The following KATNBL1 variants were observed in gnomAD, a reference collection of about 807,000 sequenced individuals.
KATNBL1 encodes KATNB1-like protein 1.
KATNBL1 carries 28 observed loss-of-function variants against 44.7 expected under a neutral mutation model. The observed-to-expected ratio is 0.63, with a 90% CI of 0.46 to 0.86. The LOEUF is 0.86. Among genes scored for constraint, KATNBL1 ranks in the 40% least tolerant of loss-of-function variants. The pLI is 0.00. For missense variants in KATNBL1, 272 were observed against 350.7 expected (o/e 0.78, Z 1.79); for synonymous variants, 78 against 114.9 (o/e 0.68, Z 2.06).
At chr15:34,189,103 T>C (rs1424556607) in intron 1 of KATNBL1, among the ~76,000 whole-genome samples, 1 of 151,990 alleles carries the variant, frequency 6.6e-6, no homozygotes, top group African/African-American at 2.4e-5. Context: ...TGATCTCGGC[T>C]CACCACAACC....
At chr15:34,178,106 A>G (rs1889390752) in intron 1 of KATNBL1, 1 of 152,248 alleles carries the variant, frequency 6.6e-6, no homozygotes, top group Non-Finnish European at 1.5e-5. Flanking sequence ...AAGACAGTTA[A>G]TAGCAGATCA....
At chr15:34,202,212 G>C (rs1352191929) in intron 1 of KATNBL1, among the ~76,000 whole-genome samples, 1 of 152,158 alleles carries the variant, frequency 6.6e-6, no homozygotes, top group Non-Finnish European at 1.5e-5. Context: ...CTACATATGA[G>C]AGGATATACC....
At chr15:34,196,723 G>A (rs990519790) in intron 1 of KATNBL1, among the ~76,000 whole-genome samples, 4 of 152,216 alleles carry the variant, frequency 2.6e-5, no homozygotes, top group Admixed American at 2.6e-4. Context: ...ACCAGACTCC[G>A]TCTCAAAAAG....
rs567667142 is a variant in KATNBL1 at position 34,184,442 on chromosome 15, C to T, written c.-14-20752G>A. Among the ~76,000 whole-genome samples the T allele has an allele frequency of 2.7e-4, 41 of 149,628 alleles. No individual in the cohort carries two copies. The South Asian group carries it at 2.8e-3, about 10-fold the overall frequency. ...AGATCGCTACAGTGAACCGAGATTGCGCCACTGCACTTCAGCCTGGGCAAC... is the reference window on the plus strand; with the variant it reads ...AGATCGCTACAGTGAACCGAGATTGTGCCACTGCACTTCAGCCTGGGCAAC... On this transcript the variant is annotated intron_variant, in intron 1 of 9. Coordinates refer to ENST00000256544, the MANE Select transcript of KATNBL1 (RefSeq NM_024713.3).
intron 1 of KATNBL1, among the ~76,000 whole-genome samples, chr15:34,170,071 G>T (rs1889112715): frequency 6.6e-6 from 1 of 152,170 alleles, no homozygotes; most frequent in African/African-American, 2.4e-5. Context: ...TCAACACAGT[G>T]TTGGAAGTTC....
At chr15:34,168,128 A>G (rs1889041411) in intron 1 of KATNBL1, among the ~76,000 whole-genome samples, 2 of 152,244 alleles carry the variant, frequency 1.3e-5, no homozygotes, top group Non-Finnish European at 2.9e-5. Context: ...GCCCCAATTA[A>G]AAGATACAGA....
At chr15:34,162,567 A>G (rs538061550) in intron 2 of KATNBL1, among the ~76,000 whole-genome samples, 2 of 152,316 alleles carry the variant, frequency 1.3e-5, no homozygotes, top group South Asian at 4.1e-4. Context: ...ATTGTAACTT[A>G]CAGGATGCTT....
chr15:34,148,787 T>G (rs1888385355), intron 4 of KATNBL1, 37 bp from the exon 5 acceptor site: 1 of 1,139,910 alleles, frequency 8.8e-7, no homozygotes, highest in Non-Finnish European at 1.3e-6. Context: ...AAAAGCACAC[T>G]GAAACAGGGT....
At chr15:34,146,630 G>GT (rs1888318940) in intron 8 of KATNBL1, 131 bp downstream of exon 8, 1 of 619,928 alleles carries the variant, frequency 1.6e-6, no homozygotes, top group African/African-American at 1.9e-5. Flanking sequence ...TCTTAAGTTA[G>GT]TATCTCTCTG....
At chr15:34,145,653 T>TA in intron 8 of KATNBL1, 162 bp from the exon 9 acceptor site, 1 of 581,088 alleles carries the variant, frequency 1.7e-6, no homozygotes, top group African/African-American at 2.0e-5. Flanking sequence ...GGAGAGAAAT[T>TA]AAAAAAAAAT....
rs377491735 is a variant in KATNBL1, at chr15:34,171,257, A to C, written c.-14-7567T>G. On this transcript the variant is annotated intron_variant, in intron 1 of 9. Transcript: ENST00000256544. ...TTGTCAAGAAAAAAACAAACAACCC[A>C]ATCAAAACGTGGGCAAAGGATATGA... 9.2e-5 allele frequency among the ~76,000 whole-genome samples: 14 copies of C among 152,262 alleles called. No homozygotes were observed. The East Asian group carries it at 2.7e-3, about 29-fold the overall frequency.
At chr15:34,176,540 A>G (rs1381902605) in intron 1 of KATNBL1, among the ~76,000 whole-genome samples, 1 of 152,218 alleles carries the variant, frequency 6.6e-6, no homozygotes, top group African/African-American at 2.4e-5. Context: ...TGGTTGTCTT[A>G]GGCTAGGATG....
chr15:34,145,299 A>T, intron 9 of KATNBL1, 99 bp downstream of exon 9: 1 of 1,359,612 alleles, frequency 7.4e-7, no homozygotes, highest in Non-Finnish European at 9.7e-7. Flanking sequence ...TTAGAACAGT[A>T]CCATATTATT....
At chr15:34,151,517 T>A (rs1888477466) in intron 4 of KATNBL1, among the ~76,000 whole-genome samples, 1 of 147,072 alleles carries the variant, frequency 6.8e-6, no homozygotes, top group African/African-American at 2.5e-5. Context: ...AGTGACAAGA[T>A]CTTGGCTCAC....
At chr15:34,143,793 CAA>C (rs560420668) in intron 9 of KATNBL1, among the ~76,000 whole-genome samples, 22,614 of 63,796 alleles carry the variant, frequency 0.35, 1,865 homozygotes, top group South Asian at 0.45. Flanking sequence ...ACTAAAAATA[CAA>C]AAAAAAAAAA....
chr15:34,189,386 C>T (rs993236624), intron 1 of KATNBL1, among the ~76,000 whole-genome samples: 6 of 152,224 alleles, frequency 3.9e-5, no homozygotes, highest in African/African-American at 1.2e-4. Flanking sequence ...AACACCACCT[C>T]GCATTTGATA....
intron 1 of KATNBL1, among the ~76,000 whole-genome samples, chr15:34,205,570 C>T (rs865848408): frequency 5.3e-5 from 8 of 152,136 alleles, no homozygotes; most frequent in Non-Finnish European, 7.4e-5. Context: ...TTCTGAAAGG[C>T]GATTAAGTGA....
chr15:34,165,717 C>A (rs1888948092), intron 1 of KATNBL1, among the ~76,000 whole-genome samples: 1 of 152,108 alleles, frequency 6.6e-6, no homozygotes, highest in South Asian at 2.1e-4. Context: ...TCGCTTGAAC[C>A]CGGGAGGCTG....
In KATNBL1 at chr15:34,209,975, CTCA is replaced by C. The variant is rs1890394116; in HGVS notation, c.-42_-40del. 6.6e-6 allele frequency: 1 copy of C among 151,946 alleles called. No individual in the cohort carries two copies. The highest frequency in any genetic ancestry group is 1.5e-5 in the Non-Finnish European group (1 of 67,966). 9.4% of individuals were successfully genotyped at this position (151,946 alleles called of 1,614,324 possible). A position where few individuals can be genotyped will look rare whatever the true frequency, so the allele number is the denominator to read the frequency against. On this transcript the variant is annotated 5_prime_UTR_variant, in exon 1 of 10. Coordinates refer to ENST00000256544, the MANE Select transcript of KATNBL1 (RefSeq NM_024713.3). ...CCGGCGCCTCATGGTACCGCGGCGC[CTCA>C]GCCCAGCCTCGGCGCTGACGACCAG...
Sources: gnomAD v4.1 joint callset for allele counts (sites outside exome capture counted in the v4.1 genomes callset) on GRCh38, gnomAD v4.1.1 for gene constraint, MANE v1.5 for transcripts, NCBI Gene and HGNC (gene_info 2026-07-23, HGNC 2026-07-21) for gene names.